The following SRD5A1 variants were observed in gnomAD, a reference collection of about 807,000 sequenced individuals.
The protein encoded by SRD5A1 is steroid 5 alpha-reductase 1.
A neutral mutation model predicts 28.2 loss-of-function variants in SRD5A1; 22 were observed. The ratio of observed to expected loss-of-function variants is 0.78; its 90% CI spans 0.56 to 1.12. The LOEUF (loss-of-function observed/expected upper bound fraction) is 1.12, where lower values mean the gene tolerates loss of function less well. Ranked by LOEUF, SRD5A1 falls within the 50% of genes most tolerant of loss-of-function variation. The probability of loss-of-function intolerance (pLI) is 0.00; values close to 1 mark genes in which losing one functional copy is unlikely to be tolerated. For synonymous variants in SRD5A1, 151 were observed against 135.0 expected, an observed-to-expected ratio of 1.12 and a Z score of -0.82; for missense variants, 300 against 346.7, an observed-to-expected ratio of 0.87 and a Z score of 1.07.
At chr5:6,666,349 C>A (rs8192240) in intron 4 of SRD5A1, among the ~76,000 whole-genome samples, 2 of 152,082 alleles carry the variant, frequency 1.3e-5, no homozygotes, top group Admixed American at 6.5e-5. Flanking sequence ...GGGGTTTCAC[C>A]GTGTCAGCCA....
intron 1 of SRD5A1, among the ~76,000 whole-genome samples, chr5:6,635,745 G>C (rs1738165397): frequency 6.6e-6 from 1 of 152,214 alleles, no homozygotes; most frequent in Non-Finnish European, 1.5e-5. Context: ...CAAAACTGTG[G>C]TGTTGGAAAT....
intron 4 of SRD5A1, among the ~76,000 whole-genome samples, chr5:6,666,740 C>G (rs1739195616): frequency 6.6e-6 from 1 of 152,188 alleles, no homozygotes; most frequent in Non-Finnish European, 1.5e-5. Flanking sequence ...TGAGAACACC[C>G]TGACCTCACA....
chr5:6,644,882 G>A lies in SRD5A1; in HGVS notation c.294-6960G>A, dbSNP rs575624644. On this transcript the variant is annotated intron_variant, in intron 1 of 4. Transcript: ENST00000274192. ...GCCCATGGTACCCATTGTCTGCCCG[G>A]ATCTGAATCATGATTCCAAGACGCA... 3 of 455,892 alleles carry A rather than the reference G, an allele frequency of 6.6e-6. No individual in the cohort carries two copies. In the East Asian group the frequency reaches 2.1e-4, roughly 32 times the overall value. The allele number at this position is 455,892 out of a possible 1,614,324, so 28.2% of individuals were successfully genotyped here. A position where few individuals can be genotyped will look rare whatever the true frequency, so the allele number is the denominator to read the frequency against.
At position 6,672,407 on chromosome 5, in the gene SRD5A1, C is replaced by G. The variant is rs1739388072; in HGVS notation, c.*4139C>G. 6.6e-6 allele frequency: 1 copy of G among 152,316 alleles called. No individual in the cohort carries two copies. Among genetic ancestry groups the G allele is most frequent in the African/African-American group, 2.4e-5 (1 of 41,448 alleles). The allele number at this position is 152,316 out of a possible 1,614,324, so 9.4% of individuals were successfully genotyped here. A position where few individuals can be genotyped will look rare whatever the true frequency, so the allele number is the denominator to read the frequency against. ...TCTTCTGCCTCAGCCTCCCGAGTAG[C>G]TGGGATTACAGGTGCATGCCACCAT... On this transcript the variant is annotated 3_prime_UTR_variant, in exon 5 of 5. Coordinates refer to ENST00000274192, the MANE Select transcript of SRD5A1 (RefSeq NM_001047.4).
chr5:6,665,054 C>T (rs978521391), intron 4 of SRD5A1, among the ~76,000 whole-genome samples: 9 of 152,338 alleles, frequency 5.9e-5, no homozygotes, highest in African/African-American at 2.2e-4. Context: ...CCTGTGAAAG[C>T]GACCTTACTG....
chr5:6,662,856 A>G lies in SRD5A1; in HGVS notation c.603A>G (p.Gly201=), dbSNP rs753593722. The G allele has an allele frequency of 2.0e-5, 32 of 1,612,788 alleles. No homozygotes were observed. The highest frequency in any genetic ancestry group is 2.6e-5 in the Non-Finnish European group (31 of 1,180,046). The part of the protein sequence containing the change: ...FEYVTAANYF[G]EIMEWCGYAL... ...ACGTAACTGCAGCCAACTATTTTGG[A>G]GAAATCATGGAGTGGTGTGGCTATG... Residue 201 remains glycine, a synonymous_variant, in exon 4 of 5, where the codon GGA becomes GGG. Transcript: ENST00000274192.
chr5:6,658,687 C>G (rs879612621), intron 3 of SRD5A1, among the ~76,000 whole-genome samples: 1 of 152,120 alleles, frequency 6.6e-6, no homozygotes, highest in Non-Finnish European at 1.5e-5. Flanking sequence ...TTCTCCTCTC[C>G]AAGTACTAAC....
At position 6,674,179 on chromosome 5, in the gene SRD5A1, T is replaced by G. The variant is rs926019856; in HGVS notation, c.*5911T>G. The G allele has an allele frequency of 2.6e-5, 4 of 152,024 alleles. No individual in the cohort carries two copies. The highest frequency in any genetic ancestry group is 5.9e-5 in the Non-Finnish European group (4 of 68,002). 9.4% of individuals were successfully genotyped at this position (152,024 alleles called of 1,614,324 possible). A position where few individuals can be genotyped will look rare whatever the true frequency, so the allele number is the denominator to read the frequency against. On this transcript the variant is annotated 3_prime_UTR_variant, in exon 5 of 5. Coordinates refer to ENST00000274192, the MANE Select transcript of SRD5A1 (RefSeq NM_001047.4). ...CTAAAATGTTATTTAATTATTAAAT[T>G]TAGATGCTACTTAATTTTTGCTTTA... is the stretch of plus-strand genomic sequence containing the variant.
intron 4 of SRD5A1, among the ~76,000 whole-genome samples, chr5:6,666,807 G>A (rs1041677531): frequency 1.1e-4 from 16 of 152,220 alleles, no homozygotes; most frequent in South Asian, 8.3e-4. Context: ...GTGGGGGGGC[G>A]CGTTTTCTCG....
intron 4 of SRD5A1, 57 bp downstream of exon 4, chr5:6,663,023 A>G (rs979628662): frequency 6.3e-6 from 10 of 1,582,912 alleles, no homozygotes; most frequent in Non-Finnish European, 7.8e-6. Context: ...TATTATTACC[A>G]TTTTTCAGGC....
At position 6,662,829 on chromosome 5, in the gene SRD5A1, A is replaced by G. The variant is rs1233694159; in HGVS notation, c.576A>G (p.Glu192=). Residue 192 remains glutamate, a synonymous_variant, in exon 4 of 5, where the codon GAA becomes GAG. Coordinates refer to ENST00000274192, the MANE Select transcript of SRD5A1 (RefSeq NM_001047.4). ...GYKIPRGGLF[E]YVTAANYFGE... is the part of the protein sequence containing the mutation. ...GTTTTCTTCTAGGAGGCTTATTTGA[A>G]TACGTAACTGCAGCCAACTATTTTG... 6.2e-7 allele frequency: 1 copy of G among 1,612,364 alleles called. No individual in the cohort carries two copies. The highest frequency in any genetic ancestry group is 1.7e-5 in the Admixed American group (1 of 60,020).
At position 6,662,963 on chromosome 5, in the gene SRD5A1, A is replaced by G. The variant is rs1739056442; in HGVS notation, c.710A>G (p.His237Arg). 1.9e-6 allele frequency: 3 copies of G among 1,614,052 alleles called. No individual in the cohort carries two copies. Among genetic ancestry groups the G allele is most frequent in the Non-Finnish European group, 2.5e-6 (3 of 1,180,014 alleles). The change falls in exon 4 of 5, where the codon CAT becomes CGT. Residue 237 changes from histidine (H) to arginine (R), a missense_variant. Transcript: ENST00000274192. Reference sequence around the variant, plus strand: ...TTATCTGGTAGAGCAAAAGAGCATCATGAGTAAGTTTTAAAACACTTTTAC... The same window carrying G: ...TTATCTGGTAGAGCAAAAGAGCATCGTGAGTAAGTTTTAAAACACTTTTAC... ...CFLSGRAKEH[H>R]EWYLRKFEEY...
In SRD5A1 at chr5:6,633,879, C is replaced by T. The variant is rs1477830232; in HGVS notation, c.293+10C>T. ...TCCACTACGGGCATCGGTAACGTCC[C>T]CGGCCCCCGGCCCCCTACCCTACTC... On this transcript the variant is annotated intron_variant, in intron 1 of 4. Coordinates refer to ENST00000274192, the MANE Select transcript of SRD5A1 (RefSeq NM_001047.4). 6.3e-7 allele frequency: 1 copy of T among 1,596,222 alleles called. No individual in the cohort carries two copies. Among genetic ancestry groups the T allele is most frequent in the East Asian group, 2.2e-5 (1 of 44,754 alleles).
rs1439988988 is a variant in SRD5A1 at position 6,670,262 on chromosome 5, A to G, written c.*1994A>G. On this transcript the variant is annotated 3_prime_UTR_variant, in exon 5 of 5. Coordinates refer to ENST00000274192, the MANE Select transcript of SRD5A1 (RefSeq NM_001047.4). ...TTTTGGCCTATAGGGATCCTGCCCC[A>G]TAATGGCTGGTTACCTCCTGCCTCA... 6.6e-6 allele frequency: 1 copy of G among 152,252 alleles called. No individual in the cohort carries two copies. Among genetic ancestry groups the G allele is most frequent in the Non-Finnish European group, 1.5e-5 (1 of 68,052 alleles). 9.4% of individuals were successfully genotyped at this position (152,252 alleles called of 1,614,324 possible). A position where few individuals can be genotyped will look rare whatever the true frequency, so the allele number is the denominator to read the frequency against.
intron 3 of SRD5A1, among the ~76,000 whole-genome samples, chr5:6,657,633 GA>G (rs915665090): frequency 3.3e-5 from 5 of 152,246 alleles, no homozygotes; most frequent in African/African-American, 1.2e-4. Flanking sequence ...AAAAGGTGCA[GA>G]AGATACCAGA....
intron 3 of SRD5A1, among the ~76,000 whole-genome samples, chr5:6,661,719 G>A (rs1170318960): frequency 1.3e-5 from 2 of 151,942 alleles, no homozygotes; most frequent in African/African-American, 4.8e-5. Context: ...TTTCAGTATA[G>A]ACAAGGTTTC....
chr5:6,644,823 A>G (rs1439012099), intron 1 of SRD5A1: 3 of 452,512 alleles, frequency 6.6e-6, no homozygotes, highest in South Asian at 4.7e-5. Flanking sequence ...GTTGGTATGC[A>G]AGCACTTGCA....
In SRD5A1 at chr5:6,644,774, C is replaced by T. The variant is rs1483507471; in HGVS notation, c.294-7068C>T. 3.1e-5 allele frequency: 13 copies of T among 423,154 alleles called. No individual in the cohort carries two copies. The Admixed American group carries it at 3.2e-4, about 10-fold the overall frequency. The allele number at this position is 423,154 out of a possible 1,614,324, so 26.2% of individuals were successfully genotyped here. A position where few individuals can be genotyped will look rare whatever the true frequency, so the allele number is the denominator to read the frequency against. On this transcript the variant is annotated intron_variant, in intron 1 of 4. Transcript: ENST00000274192. ...TGACAGTCCAAGAAGCCCACACGTA[C>T]CTCTGTCAAAACCAAATTCTGCTTG...
intron 1 of SRD5A1, among the ~76,000 whole-genome samples, chr5:6,646,549 T>C (rs1031146074): frequency 6.6e-6 from 1 of 152,234 alleles, no homozygotes; most frequent in African/African-American, 2.4e-5. Context: ...TAGATTTTTC[T>C]AGTTTATTTG....
Sources: gnomAD v4.1 joint callset for allele counts (sites outside exome capture counted in the v4.1 genomes callset) on GRCh38, gnomAD v4.1.1 for gene constraint, MANE v1.5 for transcripts, NCBI Gene and HGNC (gene_info 2026-07-23, HGNC 2026-07-21) for gene names.